Variants in BLNK observed in about 807,000 individuals in gnomAD.
BLNK encodes the protein B-cell linker protein.
BLNK carries 29 observed loss-of-function variants against 73.5 expected under a neutral mutation model. That is an observed-to-expected ratio of 0.39 (90% CI 0.29 to 0.54). BLNK has a LOEUF of 0.54. Ranked by LOEUF, BLNK falls within the 20% of genes least tolerant of loss-of-function variation. The probability of loss-of-function intolerance (pLI) is 0.61; values close to 1 mark genes in which losing one functional copy is unlikely to be tolerated. For missense variants in BLNK, 460 were observed against 562.8 expected (o/e 0.82, Z 1.85); for synonymous variants, 176 against 200.8 (o/e 0.88, Z 1.04).
rs367929342 is a variant in BLNK at position 96,190,322 on chromosome 10, T to C, written c.*1651A>G. The C allele has an allele frequency of 5.2e-6, 3 of 582,458 alleles. No individual in the cohort carries two copies. In the African/African-American group the frequency reaches 5.6e-5, roughly 11 times the overall value. The allele number at this position is 582,458 out of a possible 1,614,324, so 36.1% of individuals were successfully genotyped here. ...GGATGGAATCACGCCAGTAGTATTG[T>C]TCCTGTGTGTCTCTTCATATAGTCT... On this transcript the variant is annotated 3_prime_UTR_variant, in exon 17 of 17. Coordinates refer to ENST00000224337, the MANE Select transcript of BLNK (RefSeq NM_013314.4).
chr10:96,223,768 G>A, intron 6 of BLNK, 58 bp downstream of exon 6: 1 of 1,597,490 alleles, frequency 6.3e-7, no homozygotes, highest in Non-Finnish European at 8.6e-7. Flanking sequence ...GGCTGTCCTG[G>A]TCGCTTGCCC....
At chr10:96,259,670 C>CTTTTTTTTTTTTTTTTT (rs57821919) in intron 1 of BLNK, among the ~76,000 whole-genome samples, 2 of 44,868 alleles carry the variant, frequency 4.5e-5, no homozygotes, top group African/African-American at 9.7e-5. Flanking sequence ...CACACCCTAC[C>CTTTTTTTTTTTTTTTTT]TTTTTTTTTT....
At chr10:96,231,695 C>G (rs1450168534) in intron 3 of BLNK, among the ~76,000 whole-genome samples, 3 of 143,720 alleles carry the variant, frequency 2.1e-5, no homozygotes, top group African/African-American at 7.8e-5. Flanking sequence ...CCATTGCACT[C>G]TAGCTGGGAT....
intron 13 of BLNK, among the ~76,000 whole-genome samples, chr10:96,203,011 A>C (rs61856982): frequency 0.051 from 7,720 of 152,180 alleles, 273 homozygotes; most frequent in Middle Eastern, 0.095. Flanking sequence ...TTTTCTTTAT[A>C]GCACTTCAGC....
At chr10:96,263,615 C>T (rs1843858990) in intron 1 of BLNK, among the ~76,000 whole-genome samples, 1 of 152,040 alleles carries the variant, frequency 6.6e-6, no homozygotes, top group Non-Finnish European at 1.5e-5. Flanking sequence ...GACTCCCTTT[C>T]AGAAGGGAGG....
intron 8 of BLNK, among the ~76,000 whole-genome samples, chr10:96,212,124 C>T (rs1330153787): frequency 6.6e-6 from 1 of 152,110 alleles, no homozygotes; most frequent in Non-Finnish European, 1.5e-5. Context: ...CTATAAATAA[C>T]TTCTGACAAT....
intron 1 of BLNK, among the ~76,000 whole-genome samples, chr10:96,262,945 C>G (rs1462950085): frequency 6.6e-6 from 1 of 152,218 alleles, no homozygotes; most frequent in East Asian, 1.9e-4. Context: ...AGAGCTTGAA[C>G]AGGTGACCTG....
chr10:96,245,808 A>G (rs1843022861), intron 2 of BLNK, among the ~76,000 whole-genome samples: 1 of 151,394 alleles, frequency 6.6e-6, no homozygotes, highest in Non-Finnish European at 1.5e-5. Context: ...AAGCACACAC[A>G]TACATACATA....
intron 2 of BLNK, among the ~76,000 whole-genome samples, chr10:96,243,638 A>G (rs1358200178): frequency 6.6e-6 from 1 of 152,194 alleles, no homozygotes; most frequent in Non-Finnish European, 1.5e-5. Context: ...ACTTGTTTTA[A>G]GCACTCTCAA....
At chr10:96,213,789 T>C (rs1229841984) in intron 8 of BLNK, among the ~76,000 whole-genome samples, 1 of 152,212 alleles carries the variant, frequency 6.6e-6, no homozygotes, top group Non-Finnish European at 1.5e-5. Flanking sequence ...TCCTGAGTTA[T>C]CGGGAGTTAG....
At chr10:96,211,658 A>G (rs1438756363) in intron 8 of BLNK, among the ~76,000 whole-genome samples, 18 of 152,178 alleles carry the variant, frequency 1.2e-4, no homozygotes, top group Admixed American at 1.2e-3. Flanking sequence ...TGCCCCCTCC[A>G]TGACAGCTGT....
In BLNK at chr10:96,207,862, A is replaced by G; in HGVS notation, c.774+10T>C. On this transcript the variant is annotated intron_variant, in intron 10 of 16. Coordinates refer to ENST00000224337, the MANE Select transcript of BLNK (RefSeq NM_013314.4). ...AATATGAAGCACTTTTAAATGCAAA[A>G]TTAACTTACTGTCTTCAGTGGTGTC... 1 of 1,614,082 alleles carries G rather than the reference A, an allele frequency of 6.2e-7. No individual in the cohort carries two copies. The highest frequency in any genetic ancestry group is 8.5e-7 in the Non-Finnish European group (1 of 1,179,918).
At chr10:96,256,662 C>G (rs1378970938) in intron 1 of BLNK, among the ~76,000 whole-genome samples, 1 of 152,064 alleles carries the variant, frequency 6.6e-6, no homozygotes, top group Non-Finnish European at 1.5e-5. Flanking sequence ...GGGTGGATCA[C>G]TTGAGGTCAG....
At position 96,196,899 on chromosome 10, in the gene BLNK, A is replaced by G. The variant is rs1554894810; in HGVS notation, c.1251+9T>C. The G allele has an allele frequency of 6.2e-7, 1 of 1,612,626 alleles. No homozygotes were observed. Among genetic ancestry groups the G allele is most frequent in the Admixed American group, 1.7e-5 (1 of 59,996 alleles). ...GTTATAGAATTGAATTTAAAAAGAA[A>G]TCACTGACCTCTTCACCATTTTTCT... On this transcript the variant is annotated intron_variant, in intron 16 of 16. Transcript: ENST00000224337.
chr10:96,229,917 G>A (rs782383319), intron 4 of BLNK, among the ~76,000 whole-genome samples: 11 of 152,158 alleles, frequency 7.2e-5, no homozygotes, highest in Non-Finnish European at 1.5e-4. Flanking sequence ...GCTGGGCACA[G>A]GACTGGAGGT....
intron 13 of BLNK, among the ~76,000 whole-genome samples, chr10:96,201,567 G>A (rs1300421715): frequency 1.3e-5 from 2 of 152,024 alleles, no homozygotes; most frequent in African/African-American, 2.4e-5. Flanking sequence ...AAAATACTAG[G>A]TATCAATAGA....
At chr10:96,267,006 G>T (rs1158094080) in intron 1 of BLNK, among the ~76,000 whole-genome samples, 1 of 152,248 alleles carries the variant, frequency 6.6e-6, no homozygotes, top group Non-Finnish European at 1.5e-5. Context: ...GAGGTGTAGA[G>T]AAACTGAATG....
At chr10:96,222,102 G>C (rs587681068) in intron 6 of BLNK, among the ~76,000 whole-genome samples, 3 of 152,340 alleles carry the variant, frequency 2.0e-5, no homozygotes, top group African/African-American at 7.2e-5. Flanking sequence ...CCCTCTGTGT[G>C]TGAGGCACTG....
At chr10:96,229,340 T>C (rs960611779) in intron 4 of BLNK, among the ~76,000 whole-genome samples, 3 of 151,892 alleles carry the variant, frequency 2.0e-5, no homozygotes, top group African/African-American at 7.2e-5. Flanking sequence ...TGAGAACATA[T>C]AGCAGGATTT....
Sources: gnomAD v4.1 joint callset for allele counts (sites outside exome capture counted in the v4.1 genomes callset) on GRCh38, gnomAD v4.1.1 for gene constraint, MANE v1.5 for transcripts, NCBI Gene and HGNC (gene_info 2026-07-23, HGNC 2026-07-21) for gene names.